The following CAMTA1 variants were observed in gnomAD, a reference collection of about 807,000 sequenced individuals.
CAMTA1 encodes the protein calmodulin-binding transcription activator 1.
Under a neutral mutation model 170.9 loss-of-function variants are expected in CAMTA1, and 27 were observed. The ratio of observed to expected loss-of-function variants is 0.16; its 90% CI spans 0.12 to 0.22. The LOEUF (loss-of-function observed/expected upper bound fraction) is 0.22. CAMTA1 is among the 10% of genes least tolerant of loss of function. The pLI is 1.00. For synonymous variants in CAMTA1, 833 were observed against 891.5 expected, an observed-to-expected ratio of 0.93 and a Z score of 1.17; for missense variants, 1,619 against 2,217.2, an observed-to-expected ratio of 0.73 and a Z score of 5.42.
chr1:7,745,782 A>G, intron 17 of CAMTA1, 63 bp from the exon 18 acceptor site: 16 of 1,594,760 alleles, frequency 1.0e-5, no homozygotes, highest in Non-Finnish European at 1.4e-5. Flanking sequence ...TCATTCATTA[A>G]TATCTAATGG....
intron 5 of CAMTA1, among the ~76,000 whole-genome samples, chr1:7,344,426 G>A (rs537356656): frequency 6.6e-6 from 1 of 152,338 alleles, no homozygotes; most frequent in East Asian, 1.9e-4. Context: ...AGGGGAACTG[G>A]ATTTCACCTC....
At chr1:7,056,958 G>A (rs561989105) in intron 3 of CAMTA1, among the ~76,000 whole-genome samples, 5 of 152,134 alleles carry the variant, frequency 3.3e-5, no homozygotes, top group Non-Finnish European at 5.9e-5. Context: ...AGCATCCCCC[G>A]CACTCATGGT....
At chr1:6,986,017 A>G (rs535322187) in intron 3 of CAMTA1, among the ~76,000 whole-genome samples, 11 of 152,224 alleles carry the variant, frequency 7.2e-5, no homozygotes, top group Non-Finnish European at 1.5e-4. Context: ...CATTCTGGAA[A>G]TACTGGCTTT....
chr1:7,117,611 C>G (rs183945941), intron 4 of CAMTA1, among the ~76,000 whole-genome samples: 110 of 152,304 alleles, frequency 7.2e-4, no homozygotes, highest in Admixed American at 1.6e-3. Flanking sequence ...CTGGCTCCCC[C>G]CTAGTGGGCA....
At chr1:7,490,775 G>A (rs750541388) in intron 6 of CAMTA1, among the ~76,000 whole-genome samples, 29 of 152,196 alleles carry the variant, frequency 1.9e-4, no homozygotes, top group Non-Finnish European at 3.4e-4. Context: ...GCTGCCGCAG[G>A]AGTCCTCTGA....
intron 4 of CAMTA1, among the ~76,000 whole-genome samples, chr1:7,212,489 G>T (rs1658955152): frequency 6.6e-6 from 1 of 151,798 alleles, no homozygotes; most frequent in Admixed American, 6.6e-5. Context: ...TTACACAAAA[G>T]ACAGCTACTA....
At chr1:6,949,419 G>A (rs1688093550) in intron 3 of CAMTA1, among the ~76,000 whole-genome samples, 1 of 152,246 alleles carries the variant, frequency 6.6e-6, no homozygotes, top group Admixed American at 6.5e-5. Context: ...GAATCATGCT[G>A]TGGGTGAGAA....
chr1:6,786,231 G>T (rs998089280), intron 1 of CAMTA1, among the ~76,000 whole-genome samples: 1 of 151,928 alleles, frequency 6.6e-6, no homozygotes, highest in Admixed American at 6.5e-5. Context: ...CGGCCGAAGG[G>T]CCTCGTGTGA....
intron 5 of CAMTA1, among the ~76,000 whole-genome samples, chr1:7,347,017 G>A (rs969032092): frequency 2.8e-4 from 42 of 152,220 alleles, no homozygotes; most frequent in African/African-American, 8.9e-4. Flanking sequence ...TGCCTCAGCC[G>A]TTTGGGGACA....
At chr1:7,174,145 C>A (rs746860169) in intron 4 of CAMTA1, among the ~76,000 whole-genome samples, 10 of 152,152 alleles carry the variant, frequency 6.6e-5, no homozygotes, top group Non-Finnish European at 1.0e-4. Context: ...GCTCTCTGGG[C>A]CTTATATCCC....
intron 4 of CAMTA1, among the ~76,000 whole-genome samples, chr1:7,207,754 T>G (rs1192462524): frequency 6.6e-6 from 1 of 152,166 alleles, no homozygotes; most frequent in African/African-American, 2.4e-5. Flanking sequence ...GCTCCTGGTA[T>G]CTTGTGGATC....
intron 7 of CAMTA1, among the ~76,000 whole-genome samples, chr1:7,655,093 CACACACACCTAT>C (rs1302253042): frequency 7.1e-5 from 2 of 28,246 alleles, no homozygotes; most frequent in Non-Finnish European, 1.4e-4. Flanking sequence ...CCCACCTATA[CACACACACCTAT>C]ACACACACCT....
intron 3 of CAMTA1, among the ~76,000 whole-genome samples, chr1:7,000,028 T>C (rs1437402059): frequency 6.6e-6 from 1 of 152,190 alleles, no homozygotes; most frequent in Admixed American, 6.5e-5. Context: ...TGCTGCCAGG[T>C]TCCACTGTGA....
chr1:6,964,842 A>G (rs956427717), intron 3 of CAMTA1, among the ~76,000 whole-genome samples: 2 of 152,204 alleles, frequency 1.3e-5, no homozygotes, highest in South Asian at 2.1e-4. Flanking sequence ...GGAGATTTCT[A>G]TGGAGAGACG....
chr1:7,485,222 CGCGCATTACATA>C (rs1444489000), intron 6 of CAMTA1, among the ~76,000 whole-genome samples: 1 of 152,202 alleles, frequency 6.6e-6, no homozygotes, highest in Admixed American at 6.5e-5. Context: ...GGCCCTTGTG[CGCGCATTACATA>C]GCTGCAGTTG....
chr1:7,147,589 G>A (rs978530724), intron 4 of CAMTA1, among the ~76,000 whole-genome samples: 3 of 148,402 alleles, frequency 2.0e-5, no homozygotes, highest in African/African-American at 7.5e-5. Flanking sequence ...ACTGAAATAT[G>A]CACCATGCAC....
intron 11 of CAMTA1, among the ~76,000 whole-genome samples, chr1:7,678,237 C>A (rs2096144080): frequency 6.6e-6 from 1 of 152,242 alleles, no homozygotes; most frequent in South Asian, 2.1e-4. Flanking sequence ...GGGCTTGCTT[C>A]TGCCTTTTGG....
At chr1:7,118,771 G>T (rs1447977498) in intron 4 of CAMTA1, among the ~76,000 whole-genome samples, 1 of 152,110 alleles carries the variant, frequency 6.6e-6, no homozygotes, top group African/African-American at 2.4e-5. Flanking sequence ...AATATGGTTT[G>T]GTGGCACCAG....
chr1:7,230,482 ATC>A (rs1486715078), intron 4 of CAMTA1, among the ~76,000 whole-genome samples: 2 of 122,146 alleles, frequency 1.6e-5, no homozygotes, highest in Non-Finnish European at 3.2e-5. Context: ...TTACCTGCTT[ATC>A]TCCCGCCATC....
Sources: gnomAD v4.1 joint callset for allele counts (sites outside exome capture counted in the v4.1 genomes callset) on GRCh38, gnomAD v4.1.1 for gene constraint, MANE v1.5 for transcripts, NCBI Gene and HGNC (gene_info 2026-07-23, HGNC 2026-07-21) for gene names.